Variants in PTPN5 observed in about 807,000 individuals in gnomAD.
The protein encoded by PTPN5 is protein tyrosine phosphatase non-receptor type 5.
PTPN5 carries 29 observed loss-of-function variants against 73.9 expected under a neutral mutation model. That is an observed-to-expected ratio of 0.39 (90% confidence interval 0.29 to 0.54). The LOEUF is 0.54. Among genes scored for constraint, PTPN5 ranks in the 20% least tolerant of loss-of-function variants. The probability of loss-of-function intolerance (pLI) is 0.65; values close to 1 mark genes in which losing one functional copy is unlikely to be tolerated. For missense variants in PTPN5, 652 were observed against 751.4 expected (o/e 0.87, Z 1.55); for synonymous variants, 267 against 304.7 (o/e 0.88, Z 1.29).
rs535719205 is a variant in PTPN5 at position 18,742,821 on chromosome 11, C to T, written c.483+171G>A. On this transcript the variant is annotated intron_variant, in intron 6 of 14. Coordinates refer to ENST00000358540, the MANE Select transcript of PTPN5 (RefSeq NM_006906.2). This position sits in a 1 kb window ranked among gnomAD's most constrained non-coding sequence, Gnocchi z 4.1. Reference sequence around the variant, plus strand: ...GCCCAGATCACTGCAAACCAATTTTCGGAAAGAAGGAGGCTCTTGCCCCAG... The same window carrying T: ...GCCCAGATCACTGCAAACCAATTTTTGGAAAGAAGGAGGCTCTTGCCCCAG... Among the ~76,000 whole-genome samples the T allele has an allele frequency of 1.3e-5, 2 of 152,270 alleles. No individual in the cohort carries two copies. The highest frequency in any genetic ancestry group is 2.1e-4 in the South Asian group (1 of 4,824).
chr11:18,744,296 T>G, intron 3 of PTPN5, 97 bp from the exon 4 acceptor site: 2 of 1,106,182 alleles, frequency 1.8e-6, no homozygotes, highest in Non-Finnish European at 2.4e-6. Flanking sequence ...CCTCTCAATC[T>G]GGGATCAGTC....
intron 12 of PTPN5, chr11:18,730,113 A>C: frequency 1.9e-6 from 1 of 530,618 alleles, no homozygotes. Flanking sequence ...ATTTATTACT[A>C]TCTCCAGGGT....
intron 9 of PTPN5, among the ~76,000 whole-genome samples, chr11:18,734,473 C>T (rs1396923325): frequency 6.6e-6 from 1 of 152,152 alleles, no homozygotes; most frequent in Admixed American, 6.5e-5. Context: ...TGAGCCACTG[C>T]ACCTGGCTAA....
In PTPN5 at chr11:18,737,952, T is replaced by G. The variant is rs1471096362; in HGVS notation, c.928A>C (p.Asn310His). ...LQAEFFEIPM[N>H]FVDPKEYDIP... Reference sequence around the variant, plus strand: ...TCGTACTCTTTCGGATCCACAAAGTTCATGGGGATTTCCTGTGGAAGGAGG... The same window carrying G: ...TCGTACTCTTTCGGATCCACAAAGTGCATGGGGATTTCCTGTGGAAGGAGG... Residue 310 changes from asparagine to histidine, a missense_variant, in exon 9 of 15, where the codon AAC (asparagine) becomes CAC (histidine). Asn to His is a moderately conservative substitution (Grantham distance 68). This residue lies in a region of PTPN5 where 529 missense variants were observed against 573.9 expected (regional missense o/e 0.92). Coordinates refer to ENST00000358540, the MANE Select transcript of PTPN5 (RefSeq NM_006906.2). 1.2e-6 allele frequency: 2 copies of G among 1,614,098 alleles called. No individual in the cohort carries two copies. The highest frequency in any genetic ancestry group is 1.7e-6 in the Non-Finnish European group (2 of 1,179,950).
At chr11:18,754,036 G>C (rs1564908147) in intron 3 of PTPN5, among the ~76,000 whole-genome samples, 1 of 152,204 alleles carries the variant, frequency 6.6e-6, no homozygotes, top group Non-Finnish European at 1.5e-5. Context: ...GGGCACAGCA[G>C]TGGGACATAA....
intron 2 of PTPN5, 146 bp downstream of exon 2, chr11:18,771,793 C>T: frequency 2.9e-6 from 2 of 691,860 alleles, no homozygotes; most frequent in Non-Finnish European, 5.0e-6. Context: ...CAGGCAGGGG[C>T]AGAGGGCATG....
At position 18,733,507 on chromosome 11, in the gene PTPN5, G is replaced by A. The variant is rs768895107; in HGVS notation, c.1080+49C>T. 34 of 1,612,072 alleles carry A rather than the reference G, an allele frequency of 2.1e-5. No homozygotes were observed. Among genetic ancestry groups the A allele is most frequent in the Non-Finnish European group, 2.6e-5 (31 of 1,178,400 alleles). On this transcript the variant is annotated intron_variant, in intron 10 of 14. Transcript: ENST00000358540. The surrounding 1 kb of genome is among the most constrained non-coding windows in gnomAD (Gnocchi z 4.3). ...ACAAGGCTGGAGGATGGATCCCATC[G>A]ACTCAGGCCTCCCCTTGAGCAAGAG... is the stretch of plus-strand genomic sequence containing the variant.
chr11:18,748,097 A>C (rs1032287323), intron 3 of PTPN5, among the ~76,000 whole-genome samples: 1 of 152,194 alleles, frequency 6.6e-6, no homozygotes, highest in Non-Finnish European at 1.5e-5. Flanking sequence ...TTTTTCAAAA[A>C]GATCAAAGTT....
chr11:18,779,425 G>A (rs1218406410), intron 1 of PTPN5, among the ~76,000 whole-genome samples: 1 of 152,028 alleles, frequency 6.6e-6, no homozygotes, highest in African/African-American at 2.4e-5. Flanking sequence ...AAGGTTGAAA[G>A]GAGCCTGACC....
At chr11:18,766,723 C>T (rs1850661380) in intron 2 of PTPN5, among the ~76,000 whole-genome samples, 2 of 152,170 alleles carry the variant, frequency 1.3e-5, no homozygotes, top group African/African-American at 2.4e-5. Flanking sequence ...ACTTGACTCA[C>T]AGGGGGTCCC....
At chr11:18,776,098 A>C (rs1238894396) in intron 1 of PTPN5, among the ~76,000 whole-genome samples, 1 of 152,162 alleles carries the variant, frequency 6.6e-6, no homozygotes, top group African/African-American at 2.4e-5. Flanking sequence ...AAGACTCTGA[A>C]AACATTGCAT....
intron 1 of PTPN5, among the ~76,000 whole-genome samples, chr11:18,775,508 C>T (rs1005695699): frequency 6.6e-6 from 1 of 152,178 alleles, no homozygotes. Flanking sequence ...CGCGGGACCA[C>T]GACCTCGGGT....
intron 7 of PTPN5, among the ~76,000 whole-genome samples, chr11:18,741,274 G>A (rs1274952317): frequency 6.6e-6 from 1 of 152,146 alleles, no homozygotes; most frequent in Admixed American, 6.5e-5. Context: ...AGGACATATT[G>A]TCCAGGAGAG....
intron 2 of PTPN5, among the ~76,000 whole-genome samples, chr11:18,766,086 T>C (rs1850633678): frequency 6.6e-6 from 1 of 152,134 alleles, no homozygotes; most frequent in Non-Finnish European, 1.5e-5. Context: ...GTGTCTTCCT[T>C]GTGGAATCAG....
intron 1 of PTPN5, among the ~76,000 whole-genome samples, chr11:18,778,562 C>T (rs535868988): frequency 1.3e-5 from 2 of 152,312 alleles, no homozygotes; most frequent in Admixed American, 1.3e-4. Context: ...AGAGTTCTCA[C>T]AAGATCTGGT....
At chr11:18,746,511 A>G (rs944430285) in intron 3 of PTPN5, among the ~76,000 whole-genome samples, 2 of 152,044 alleles carry the variant, frequency 1.3e-5, no homozygotes, top group African/African-American at 2.4e-5. Flanking sequence ...AATATTTTAG[A>G]TACTACAGAC....
chr11:18,764,202 T>G (rs1202315159), intron 3 of PTPN5, among the ~76,000 whole-genome samples: 1 of 152,234 alleles, frequency 6.6e-6, no homozygotes, highest in Non-Finnish European at 1.5e-5. Flanking sequence ...TCTGGAATTA[T>G]TGAGTTCTAT....
intron 3 of PTPN5, among the ~76,000 whole-genome samples, chr11:18,764,514 G>A (rs1850543898): frequency 6.6e-6 from 1 of 152,204 alleles, no homozygotes. Context: ...GGGGCACTGA[G>A]TGTGGTGTGA....
chr11:18,770,689 T>G (rs1359121398), intron 2 of PTPN5, among the ~76,000 whole-genome samples: 1 of 152,214 alleles, frequency 6.6e-6, no homozygotes. Flanking sequence ...GCCTCACTTA[T>G]GAAAATATGG....
Sources: gnomAD v4.1 joint callset for allele counts (sites outside exome capture counted in the v4.1 genomes callset) on GRCh38, gnomAD v4.1.1 for gene constraint, gnomAD v4.1.1 regional missense constraint, Gnocchi (gnomAD v3.1) non-coding constraint, MANE v1.5 for transcripts, NCBI Gene and HGNC (gene_info 2026-07-23, HGNC 2026-07-21) for gene names.